SEC22A: variants seen among roughly 807,000 people sequenced by gnomAD.
SEC22A encodes vesicle-trafficking protein SEC22a.
SEC22A carries 22 observed loss-of-function variants against 35.3 expected under a neutral mutation model. The observed-to-expected ratio is 0.62, with a 90% CI of 0.45 to 0.89. The LOEUF (loss-of-function observed/expected upper bound fraction) is 0.89. Ranked by LOEUF, SEC22A falls within the 40% of genes least tolerant of loss-of-function variation. SEC22A has a pLI of 0.00. For synonymous variants in SEC22A, 119 were observed against 129.5 expected (o/e 0.92, Z 0.55); for missense variants, 354 against 362.5 (o/e 0.98, Z 0.19).
chr3:123,220,004 A>G (rs1937093430), intron 2 of SEC22A, among the ~76,000 whole-genome samples: 2 of 152,242 alleles, frequency 1.3e-5, no homozygotes, highest in African/African-American at 4.8e-5. Context: ...AACACACTAT[A>G]GCCTTTTCAG....
In SEC22A at chr3:123,271,719, C is replaced by G. The variant is rs1349843394; in HGVS notation, c.921C>G (p.Val307=). The change falls in exon 7 of 7, where the codon GTC becomes GTG. Residue 307 remains valine, a synonymous_variant. Coordinates refer to ENST00000492595, the MANE Select transcript of SEC22A (RefSeq NM_012430.5). ...QAQGKAPDYD[V] The stretch of plus-strand genomic sequence containing the variant: ...AGGGCAAGGCTCCCGATTATGATGT[C>G]TGACACCATCCTTCAGATCTATTGC... 6.2e-7 allele frequency: 1 copy of G among 1,613,490 alleles called. No homozygotes were observed. Among genetic ancestry groups the G allele is most frequent in the East Asian group, 2.2e-5 (1 of 44,886 alleles).
chr3:123,273,150 CATTGTA>C lies in SEC22A; in HGVS notation c.*1434_*1439del, dbSNP rs1240628949. 3.3e-5 allele frequency: 5 copies of C among 152,224 alleles called. No homozygotes were observed. Among genetic ancestry groups the C allele is most frequent in the Admixed American group, 2.6e-4 (4 of 15,278 alleles). 9.4% of individuals were successfully genotyped at this position (152,224 alleles called of 1,614,324 possible). A position where few individuals can be genotyped will look rare whatever the true frequency, so the allele number is the denominator to read the frequency against. ...TCATCCAGAAAAACAGATCCCATTA[CATTGTA>C]ATTGTTGTTACTAGGCATATTTATT... On this transcript the variant is annotated 3_prime_UTR_variant, in exon 7 of 7. Transcript: ENST00000492595.
chr3:123,265,397 T>A (rs6792347), intron 6 of SEC22A, among the ~76,000 whole-genome samples: 32,212 of 150,516 alleles, frequency 0.21, 3,651 homozygotes, highest in African/African-American at 0.29. Flanking sequence ...TGTTTTTTTT[T>A]AAAAAAAAAT....
At chr3:123,231,786 C>G (rs1177729711) in intron 4 of SEC22A, among the ~76,000 whole-genome samples, 2 of 151,488 alleles carry the variant, frequency 1.3e-5, no homozygotes, top group African/African-American at 4.9e-5. Flanking sequence ...GCAAATTAAA[C>G]CTAAAGCAAA....
chr3:123,225,380 C>T (rs1219608695), intron 4 of SEC22A, 83 bp downstream of exon 4: 3 of 809,538 alleles, frequency 3.7e-6, no homozygotes, highest in East Asian at 5.1e-5. Flanking sequence ...TTACTTTATT[C>T]TAATATTTTA....
At chr3:123,216,011 G>T (rs1019297349) in intron 2 of SEC22A, among the ~76,000 whole-genome samples, 14 of 152,140 alleles carry the variant, frequency 9.2e-5, no homozygotes, top group Non-Finnish European at 1.9e-4. Context: ...ACCAGTTGGG[G>T]GAAGGAGATA....
At chr3:123,210,296 A>G (rs1250706953) in intron 2 of SEC22A, among the ~76,000 whole-genome samples, 1 of 152,196 alleles carries the variant, frequency 6.6e-6, no homozygotes. Context: ...TAATGAATAG[A>G]AGTAGTTAGA....
In SEC22A at chr3:123,271,512, T is replaced by G; in HGVS notation, c.724-10T>G. The G allele has an allele frequency of 1.2e-6, 2 of 1,607,260 alleles. No individual in the cohort carries two copies. Among genetic ancestry groups the G allele is most frequent in the Non-Finnish European group, 1.7e-6 (2 of 1,176,650 alleles). The stretch of plus-strand genomic sequence containing the variant: ...ACCCTAATCATCTTTCATTTTTATA[T>G]TTTGAACAGTGTTATTTACTTGTCT... On this transcript the variant is annotated splice_polypyrimidine_tract_variant and intron_variant, in intron 6 of 6. Coordinates refer to ENST00000492595, the MANE Select transcript of SEC22A (RefSeq NM_012430.5).
At chr3:123,240,123 C>G (rs531631868) in intron 4 of SEC22A, among the ~76,000 whole-genome samples, 3 of 152,208 alleles carry the variant, frequency 2.0e-5, no homozygotes, top group East Asian at 1.9e-4. Flanking sequence ...TGGACTCAGA[C>G]AAGTTGTTTG....
intron 2 of SEC22A, among the ~76,000 whole-genome samples, chr3:123,217,131 A>G (rs1937041369): frequency 1.3e-5 from 2 of 151,872 alleles, no homozygotes; most frequent in Admixed American, 1.3e-4. Context: ...ACCTGGCCCT[A>G]TTTAATATTT....
chr3:123,209,162 A>C (rs770243168), intron 1 of SEC22A, 37 bp from the exon 2 acceptor site: 145 of 1,544,730 alleles, frequency 9.4e-5, no homozygotes, highest in Non-Finnish European at 1.2e-4. Context: ...GTTTGGCTTT[A>C]ATTTTTATGT....
At position 123,245,949 on chromosome 3, in the gene SEC22A, C is replaced by G; in HGVS notation, c.592C>G (p.Leu198Val). 1 of 1,613,196 alleles carries G rather than the reference C, an allele frequency of 6.2e-7. No homozygotes were observed. Reference protein sequence around the residue: ...ATLSGIVGFILSLLCGALNLI... With the variant: ...ATLSGIVGFIVSLLCGALNLI... ...TCTGTCAGGGATTGTAGGATTTATC[C>G]TTAGTCTTTTATGTGGAGCTCTGAA... Residue 198 changes from leucine (L) to valine (V), a missense_variant, in exon 5 of 7, where the codon CTT becomes GTT. By Grantham distance (32) the Leu-to-Val change is conservative (BLOSUM62 1). Transcript: ENST00000492595.
At chr3:123,235,123 G>T (rs1429204950) in intron 4 of SEC22A, among the ~76,000 whole-genome samples, 1 of 152,068 alleles carries the variant, frequency 6.6e-6, no homozygotes, top group Non-Finnish European at 1.5e-5. Context: ...GCACTCGTCG[G>T]CTCAAACAAT....
Position 123,231,598 on chromosome 3 carries a change from A to C in SEC22A, c.541+6301A>C, listed in dbSNP as rs79979199. On this transcript the variant is annotated intron_variant, in intron 4 of 6. Transcript: ENST00000492595. ...GTGAATGGGTCAGAGACTAAATCAA[A>C]AGGGAAATGCGTACTTTGAGATGAA... 3.9e-5 allele frequency among the ~76,000 whole-genome samples: 6 copies of C among 152,332 alleles called. No individual in the cohort carries two copies. In the East Asian group the frequency reaches 1.2e-3, roughly 29 times the overall value.
intron 5 of SEC22A, among the ~76,000 whole-genome samples, chr3:123,254,101 AT>A (rs1937667980): frequency 6.6e-6 from 1 of 152,166 alleles, no homozygotes; most frequent in African/African-American, 2.4e-5. Context: ...AAAAGTAAAT[AT>A]TCCCTAATTA....
chr3:123,240,393 AC>A (rs1937506926), intron 4 of SEC22A, among the ~76,000 whole-genome samples: 1 of 152,152 alleles, frequency 6.6e-6, no homozygotes, highest in Non-Finnish European at 1.5e-5. Flanking sequence ...ATAAAAGAAG[AC>A]TACATTGTGT....
intron 4 of SEC22A, among the ~76,000 whole-genome samples, chr3:123,239,249 A>C: frequency 6.6e-6 from 1 of 152,236 alleles, no homozygotes; most frequent in East Asian, 1.9e-4. Flanking sequence ...CAGGAGGCAG[A>C]GGGAGCAGGA....
At chr3:123,237,694 G>T (rs1346711453) in intron 4 of SEC22A, among the ~76,000 whole-genome samples, 1 of 152,110 alleles carries the variant, frequency 6.6e-6, no homozygotes, top group Non-Finnish European at 1.5e-5. Flanking sequence ...TAAATTAGGG[G>T]TGGGGGTCCA....
rs78480124 is a variant in SEC22A, at chr3:123,244,469, T to G, written c.542-1430T>G. Among the ~76,000 whole-genome samples the G allele has an allele frequency of 7.0e-3, 1,064 of 152,348 alleles. 6 individuals are homozygous for G. Among genetic ancestry groups the G allele is most frequent in the African/African-American group, 0.024 (989 of 41,576 alleles). On this transcript the variant is annotated intron_variant, in intron 4 of 6. Coordinates refer to ENST00000492595, the MANE Select transcript of SEC22A (RefSeq NM_012430.5). ...TTTAAATCGTGAATTTTTTTTTCTT[T>G]ACTGATATAACACTTGGAAGCAATA...
Sources: allele counts gnomAD v4.1 joint callset (sites outside exome capture counted in the v4.1 genomes callset), GRCh38; gene constraint gnomAD v4.1.1; transcripts MANE v1.5; gene names NCBI Gene and HGNC (gene_info 2026-07-23, HGNC 2026-07-21).